Variants in KCND2 observed in about 807,000 individuals in gnomAD.
The protein encoded by KCND2 is A-type voltage-gated potassium channel KCND2.
Under a neutral mutation model 54.4 loss-of-function variants are expected in KCND2, and 16 were observed. That is an observed-to-expected ratio of 0.29 (90% confidence interval 0.20 to 0.45). The LOEUF (loss-of-function observed/expected upper bound fraction) is 0.45. KCND2 is among the 20% of genes least tolerant of loss of function. The pLI, the probability that KCND2 is intolerant of heterozygous loss-of-function variation, is 1.00. For missense variants in KCND2, 486 were observed against 824.2 expected, an observed-to-expected ratio of 0.59 and a Z score of 5.02; for synonymous variants, 317 against 310.7, an observed-to-expected ratio of 1.02 and a Z score of -0.21.
At chr7:120,545,949 C>T (rs138900966) in intron 1 of KCND2, among the ~76,000 whole-genome samples, 63 of 151,690 alleles carry the variant, frequency 4.2e-4, no homozygotes, top group African/African-American at 1.4e-3. Context: ...AGCTTCCTAA[C>T]TCTGAGCTAA....
rs115679697 is a variant in KCND2, at chr7:120,321,398, C to A, written c.1115+45651C>A. ...ATCCTCCTGCCTCAGCCTCCCAAAG[C>A]TTCAGTGTTATAGGCATGAGCCACT... is the stretch of plus-strand genomic sequence containing the variant. On this transcript the variant is annotated intron_variant, in intron 1 of 5. Transcript: ENST00000331113. Among the ~76,000 whole-genome samples, 354 of 152,058 alleles carry A rather than the reference C, an allele frequency of 2.3e-3. 3 individuals are homozygous for A. The highest frequency in any genetic ancestry group is 8.1e-3 in the African/African-American group (338 of 41,506).
At chr7:120,590,606 T>C (rs1191942816) in intron 1 of KCND2, among the ~76,000 whole-genome samples, 1 of 152,180 alleles carries the variant, frequency 6.6e-6, no homozygotes, top group Non-Finnish European at 1.5e-5. Flanking sequence ...TGTCTGTATT[T>C]TTGGAGAGAG....
chr7:120,675,802 C>T (rs1211183142), intron 1 of KCND2, among the ~76,000 whole-genome samples: 1 of 151,552 alleles, frequency 6.6e-6, no homozygotes, highest in East Asian at 1.9e-4. Flanking sequence ...AAGCTGTTGT[C>T]CCCTTGACTA....
At chr7:120,694,364 G>A (rs1199897987) in intron 1 of KCND2, among the ~76,000 whole-genome samples, 1 of 152,144 alleles carries the variant, frequency 6.6e-6, no homozygotes, top group Non-Finnish European at 1.5e-5. Context: ...CATGTAGACT[G>A]TATAGCGTGG....
chr7:120,294,282 T>C (rs1393710707), intron 1 of KCND2, among the ~76,000 whole-genome samples: 2 of 151,946 alleles, frequency 1.3e-5, no homozygotes, highest in Admixed American at 1.3e-4. Context: ...ATTATGTTAC[T>C]ACTTTAGAAA....
chr7:120,370,645 A>G (rs151277750), intron 1 of KCND2, among the ~76,000 whole-genome samples: 60 of 152,162 alleles, frequency 3.9e-4, no homozygotes, highest in African/African-American at 1.4e-3. Context: ...CCTGTAAAGG[A>G]TTAGTTATTA....
intron 1 of KCND2, among the ~76,000 whole-genome samples, chr7:120,334,405 G>A (rs763559283): frequency 6.6e-6 from 1 of 152,056 alleles, no homozygotes; most frequent in African/African-American, 2.4e-5. Flanking sequence ...ACTTAGAATT[G>A]CTTTATTTTT....
intron 1 of KCND2, among the ~76,000 whole-genome samples, chr7:120,561,046 T>C (rs1041175495): frequency 2.0e-5 from 3 of 152,342 alleles, no homozygotes; most frequent in African/African-American, 4.8e-5. Flanking sequence ...TATACCAATA[T>C]GTTTGTGATC....
At chr7:120,594,380 A>G (rs1584845420) in intron 1 of KCND2, among the ~76,000 whole-genome samples, 1 of 147,988 alleles carries the variant, frequency 6.8e-6, no homozygotes, top group African/African-American at 2.6e-5. Flanking sequence ...TATTTCTCAC[A>G]GTTCTGTTGC....
intron 1 of KCND2, among the ~76,000 whole-genome samples, chr7:120,726,094 G>A (rs1271650364): frequency 6.6e-6 from 1 of 152,004 alleles, no homozygotes; most frequent in African/African-American, 2.4e-5. Flanking sequence ...AAGAAATAAC[G>A]CAGAATACTT....
At chr7:120,520,596 A>G (rs372685533) in intron 1 of KCND2, among the ~76,000 whole-genome samples, 34 of 152,248 alleles carry the variant, frequency 2.2e-4, no homozygotes, top group African/African-American at 6.5e-4. Context: ...CTCCTGAAGA[A>G]GAATAGAGAA....
chr7:120,401,120 C>A (rs1801246395), intron 1 of KCND2, among the ~76,000 whole-genome samples: 2 of 152,014 alleles, frequency 1.3e-5, no homozygotes, highest in Non-Finnish European at 2.9e-5. Flanking sequence ...ATCCAGTGTT[C>A]CAATTGGACT....
chr7:120,583,639 C>A (rs886321671), intron 1 of KCND2, among the ~76,000 whole-genome samples: 1 of 152,026 alleles, frequency 6.6e-6, no homozygotes, highest in African/African-American at 2.4e-5. Flanking sequence ...TCTAAATGTT[C>A]TCTTCTTATA....
At chr7:120,570,120 A>G (rs990197474) in intron 1 of KCND2, among the ~76,000 whole-genome samples, 1 of 152,098 alleles carries the variant, frequency 6.6e-6, no homozygotes, top group Non-Finnish European at 1.5e-5. Flanking sequence ...TTTGAACATA[A>G]TTTTGGAATA....
intron 1 of KCND2, among the ~76,000 whole-genome samples, chr7:120,349,240 C>G (rs951566705): frequency 6.6e-6 from 1 of 151,912 alleles, no homozygotes; most frequent in South Asian, 2.1e-4. Context: ...AGATGGACAT[C>G]TGAAGTAGTG....
At chr7:120,678,738 G>GTATATATA (rs66483423) in intron 1 of KCND2, among the ~76,000 whole-genome samples, 6 of 115,768 alleles carry the variant, frequency 5.2e-5, no homozygotes, top group African/African-American at 9.0e-5. Flanking sequence ...GTGTGTGAGT[G>GTATATATA]TATATATATA....
intron 1 of KCND2, among the ~76,000 whole-genome samples, chr7:120,353,411 G>T (rs1330917345): frequency 6.6e-6 from 1 of 152,038 alleles, no homozygotes; most frequent in Non-Finnish European, 1.5e-5. Context: ...CAATCTTTGT[G>T]TTAGGCAGAA....
At chr7:120,347,005 T>C (rs889510919) in intron 1 of KCND2, among the ~76,000 whole-genome samples, 1 of 152,100 alleles carries the variant, frequency 6.6e-6, no homozygotes, top group Non-Finnish European at 1.5e-5. Context: ...TAAAATTGGG[T>C]AAAATATGTT....
intron 1 of KCND2, among the ~76,000 whole-genome samples, chr7:120,679,346 A>G (rs777395543): frequency 1.2e-4 from 18 of 151,944 alleles, no homozygotes; most frequent in Non-Finnish European, 2.5e-4. Flanking sequence ...GGGCTTAATA[A>G]CTACTTTTTA....
Sources: allele counts gnomAD v4.1 joint callset (sites outside exome capture counted in the v4.1 genomes callset), GRCh38; gene constraint gnomAD v4.1.1; transcripts MANE v1.5; gene names NCBI Gene and HGNC (gene_info 2026-07-23, HGNC 2026-07-21).